Variants in KDM4C observed in about 807,000 individuals in gnomAD.
KDM4C encodes lysine demethylase 4C, also known as lysine-specific demethylase 4C.
A neutral mutation model predicts 129.3 loss-of-function variants in KDM4C; 81 were observed. The ratio of observed to expected loss-of-function variants is 0.63; its 90% confidence interval spans 0.52 to 0.75. KDM4C has a LOEUF of 0.75. KDM4C is among the 30% of genes least tolerant of loss of function. The pLI is 0.00. For synonymous variants in KDM4C, 573 were observed against 456.1 expected (o/e 1.26, Z -3.26); for missense variants, 1,457 against 1,304.0 (o/e 1.12, Z -1.81).
At chr9:7,123,368 C>T (rs1003288754) in intron 18 of KDM4C, among the ~76,000 whole-genome samples, 13 of 152,168 alleles carry the variant, frequency 8.5e-5, no homozygotes, top group African/African-American at 2.4e-4. Flanking sequence ...TACATGCACA[C>T]CTAGCCAAAG....
intron 1 of KDM4C, among the ~76,000 whole-genome samples, chr9:6,762,965 A>G (rs1035905955): frequency 1.3e-5 from 2 of 151,222 alleles, no homozygotes; most frequent in Admixed American, 1.3e-4. Context: ...CGGCCAGGTC[A>G]TTGTCTTTTT....
chr9:6,927,109 A>G (rs1407247199), intron 8 of KDM4C, among the ~76,000 whole-genome samples: 8 of 150,346 alleles, frequency 5.3e-5, no homozygotes, highest in Non-Finnish European at 7.4e-5. Context: ...CTATCTATCT[A>G]TCTATCTATC....
At chr9:6,767,448 T>C (rs905730441) in intron 1 of KDM4C, among the ~76,000 whole-genome samples, 1 of 151,304 alleles carries the variant, frequency 6.6e-6, no homozygotes, top group East Asian at 1.9e-4. Flanking sequence ...GCCCCCTTTT[T>C]TTTTGAGACG....
chr9:6,860,045 A>T (rs1451309664), intron 5 of KDM4C, among the ~76,000 whole-genome samples: 2 of 152,168 alleles, frequency 1.3e-5, no homozygotes, highest in Non-Finnish European at 2.9e-5. Flanking sequence ...TTCTTTTTAC[A>T]CCATCAACTT....
intron 8 of KDM4C, among the ~76,000 whole-genome samples, chr9:6,957,440 A>C (rs1347055253): frequency 4.6e-5 from 7 of 152,100 alleles, no homozygotes; most frequent in Admixed American, 4.6e-4. Flanking sequence ...TGTTCTTTCC[A>C]GGGAAAAGAA....
At chr9:6,894,164 G>A (rs1846498715) in intron 8 of KDM4C, among the ~76,000 whole-genome samples, 1 of 152,188 alleles carries the variant, frequency 6.6e-6, no homozygotes, top group South Asian at 2.1e-4. Flanking sequence ...ATTTAGGGGA[G>A]ACAACTCTTA....
chr9:7,088,797 C>G (rs1014552064), intron 17 of KDM4C, among the ~76,000 whole-genome samples: 1 of 151,820 alleles, frequency 6.6e-6, no homozygotes, highest in Non-Finnish European at 1.5e-5. Context: ...GGATTGGAAG[C>G]TTGCATGCCA....
intron 19 of KDM4C, among the ~76,000 whole-genome samples, chr9:7,140,242 G>A (rs1055914008): frequency 1.3e-5 from 2 of 152,184 alleles, no homozygotes; most frequent in Non-Finnish European, 2.9e-5. Context: ...TGTGGCAGGG[G>A]CTGAGGAGGC....
At position 6,729,418 on chromosome 9, in the gene KDM4C, G is replaced by T. The variant is rs1304221405; in HGVS notation, c.49+8421G>T. On this transcript the variant is annotated intron_variant, in intron 1 of 17. Coordinates refer to the KDM4C transcript ENST00000536108. ...TAGCCAGGTGTGTTGGCACGCTCCT[G>T]TTGTCCCAGTTACTTAGGAGGCTTT... Among the ~76,000 whole-genome samples the T allele has an allele frequency of 1.6e-5, 2 of 128,788 alleles. 1 individual carries two copies. The highest frequency in any genetic ancestry group is 6.8e-5 in the African/African-American group (2 of 29,376). The allele number at this position is 128,788 out of a possible 152,430, so 84.5% of individuals were successfully genotyped here.
chr9:6,833,803 G>C (rs1835346814), intron 4 of KDM4C, among the ~76,000 whole-genome samples: 1 of 152,174 alleles, frequency 6.6e-6, no homozygotes, highest in Non-Finnish European at 1.5e-5. Flanking sequence ...TTCTGACCAA[G>C]AGAATTGTGA....
chr9:7,096,047 T>A (rs1457584364), intron 17 of KDM4C, among the ~76,000 whole-genome samples: 1 of 152,272 alleles, frequency 6.6e-6, no homozygotes, highest in Non-Finnish European at 1.5e-5. Context: ...GAAAGATGTT[T>A]GGTGGCACTT....
At position 6,849,409 on chromosome 9, in the gene KDM4C, T is replaced by C. The variant is rs938459412; in HGVS notation, c.436-98T>C. 1.6e-5 allele frequency: 15 copies of C among 935,808 alleles called. No individual in the cohort carries two copies. In the African/African-American group the frequency reaches 2.1e-4, roughly 13 times the overall value. The allele number at this position is 935,808 out of a possible 1,614,324, so 58.0% of individuals were successfully genotyped here. A position where few individuals can be genotyped will look rare whatever the true frequency, so the allele number is the denominator to read the frequency against. On this transcript the variant is annotated intron_variant, in intron 4 of 21. Coordinates refer to ENST00000381309, the MANE Select transcript of KDM4C (RefSeq NM_015061.6). ...GTTTTCAGTTAGTTAGAATATACAA[T>C]GTAATAATTTTGGTGGATAGTGGTT... is the stretch of plus-strand genomic sequence containing the variant.
chr9:6,899,100 C>T lies in KDM4C; in HGVS notation c.921+5868C>T, dbSNP rs1816926415. On this transcript the variant is annotated intron_variant, in intron 8 of 21. Coordinates refer to ENST00000381309, the MANE Select transcript of KDM4C (RefSeq NM_015061.6). ...CTCTACTTTTTGCTGTTTCTGATTC[C>T]TAGGTTCTGATGGTACAGTGTAACA... 2.0e-5 allele frequency among the ~76,000 whole-genome samples: 3 copies of T among 150,536 alleles called. No individual in the cohort carries two copies. In the South Asian group the frequency reaches 6.3e-4, roughly 31 times the overall value.
At chr9:7,113,913 C>T (rs1564135018) in intron 18 of KDM4C, among the ~76,000 whole-genome samples, 1 of 152,108 alleles carries the variant, frequency 6.6e-6, no homozygotes, top group Non-Finnish European at 1.5e-5. Flanking sequence ...GTCCTGCATT[C>T]AGGTTCCTGC....
chr9:6,972,010 G>A (rs117853706), intron 8 of KDM4C, among the ~76,000 whole-genome samples: 2,207 of 152,168 alleles, frequency 0.015, 19 homozygotes, highest in Middle Eastern at 0.031. Context: ...TGTCTTCACC[G>A]AGTGTAGGTT....
At chr9:6,892,399 G>C (rs1441741678) in intron 7 of KDM4C, among the ~76,000 whole-genome samples, 3 of 151,688 alleles carry the variant, frequency 2.0e-5, no homozygotes, top group African/African-American at 4.8e-5. Flanking sequence ...TTTGGTGATT[G>C]TAAAAAAAAA....
At chr9:7,026,869 C>G (rs1825901725) in intron 15 of KDM4C, among the ~76,000 whole-genome samples, 1 of 151,888 alleles carries the variant, frequency 6.6e-6, no homozygotes, top group Non-Finnish European at 1.5e-5. Context: ...CAGTTCTGTC[C>G]TTACAAGACT....
In KDM4C at chr9:6,758,003, G is replaced by T; in HGVS notation, c.-218G>T. 1.0e-6 allele frequency: 1 copy of T among 985,392 alleles called. No individual in the cohort carries two copies. Among genetic ancestry groups the T allele is most frequent in the Non-Finnish European group, 1.2e-6 (1 of 829,922 alleles). The allele number at this position is 985,392 out of a possible 1,614,324, so 61.0% of individuals were successfully genotyped here. On this transcript the variant is annotated 5_prime_UTR_variant, in exon 1 of 22. Coordinates refer to ENST00000381309, the MANE Select transcript of KDM4C (RefSeq NM_015061.6). The surrounding 1 kb of genome is among the most constrained non-coding windows in gnomAD (Gnocchi z 4.6). The stretch of plus-strand genomic sequence containing the variant: ...CGGCGGTGCGCGCGCCTTCGCCGCT[G>T]CCTCCCACCCACCCCCTCGACGGGA...
At chr9:6,964,857 G>A (rs1461823685) in intron 8 of KDM4C, among the ~76,000 whole-genome samples, 2 of 151,298 alleles carry the variant, frequency 1.3e-5, no homozygotes, top group African/African-American at 4.9e-5. Context: ...GGGAGGCTGA[G>A]GCAGGAGAAT....
Sources: gnomAD v4.1 joint callset for allele counts (sites outside exome capture counted in the v4.1 genomes callset) on GRCh38, gnomAD v4.1.1 for gene constraint, Gnocchi (gnomAD v3.1) non-coding constraint, MANE v1.5 for transcripts, NCBI Gene and HGNC (gene_info 2026-07-23, HGNC 2026-07-21) for gene names.